The following RAB3GAP1 variants were observed in gnomAD, a reference collection of about 807,000 sequenced individuals.
RAB3GAP1 encodes rab3 GTPase-activating protein catalytic subunit.
Under a neutral mutation model 130.7 loss-of-function variants are expected in RAB3GAP1, and 86 were observed. That is an observed-to-expected ratio of 0.66 (90% CI 0.55 to 0.79). RAB3GAP1 has a LOEUF of 0.79. Ranked by LOEUF, RAB3GAP1 falls within the 30% of genes least tolerant of loss-of-function variation. The pLI, the probability that RAB3GAP1 is intolerant of heterozygous loss-of-function variation, is 0.00. For synonymous variants in RAB3GAP1, 367 were observed against 401.7 expected (o/e 0.91, Z 1.03); for missense variants, 1,029 against 1,169.4 (o/e 0.88, Z 1.75).
intron 5 of RAB3GAP1, among the ~76,000 whole-genome samples, chr2:135,100,233 G>T (rs917434485): frequency 3.3e-5 from 5 of 152,096 alleles, no homozygotes; most frequent in African/African-American, 9.7e-5. Context: ...CATCATTCTT[G>T]TTCTCTTCAG....
chr2:135,167,838 T>G (rs1692702281), intron 23 of RAB3GAP1: 1 of 708,062 alleles, frequency 1.4e-6, no homozygotes, highest in Non-Finnish European at 2.1e-6. Context: ...TGCTGATGTT[T>G]AGCGCAACAT....
chr2:135,120,293 A>G (rs1691157268), intron 7 of RAB3GAP1, among the ~76,000 whole-genome samples: 1 of 152,212 alleles, frequency 6.6e-6, no homozygotes, highest in Non-Finnish European at 1.5e-5. Flanking sequence ...TAGCAGTTTA[A>G]ACAGCTTTAT....
At position 135,133,720 on chromosome 2, in the gene RAB3GAP1, G is replaced by A; in HGVS notation, c.1327-141G>A. The A allele has an allele frequency of 4.4e-6, 3 of 685,122 alleles. No individual in the cohort carries two copies. The South Asian group carries it at 4.9e-5, about 11-fold the overall frequency. 42.4% of individuals were successfully genotyped at this position (685,122 alleles called of 1,614,324 possible). A position where few individuals can be genotyped will look rare whatever the true frequency, so the allele number is the denominator to read the frequency against. On this transcript the variant is annotated intron_variant, in intron 14 of 23. Transcript: ENST00000264158. ...CTTCCTAAGAATAGTTTATGCAGTA[G>A]TGTATTAGACATTTGATAATGCCTA...
intron 3 of RAB3GAP1, among the ~76,000 whole-genome samples, chr2:135,059,407 T>G (rs1689106528): frequency 6.6e-6 from 1 of 152,178 alleles, no homozygotes; most frequent in South Asian, 2.1e-4. Context: ...ATGTGCCTGA[T>G]GTGAAGAAAT....
chr2:135,124,646 C>T (rs1573573283), intron 9 of RAB3GAP1, among the ~76,000 whole-genome samples: 2 of 152,264 alleles, frequency 1.3e-5, no homozygotes, highest in South Asian at 2.1e-4. Flanking sequence ...ACCTGGGCAA[C>T]AGAGCAAGAC....
At chr2:135,122,339 A>G (rs948741967) in intron 8 of RAB3GAP1, among the ~76,000 whole-genome samples, 3 of 152,014 alleles carry the variant, frequency 2.0e-5, no homozygotes, top group Non-Finnish European at 4.4e-5. Flanking sequence ...TTTACAGTCT[A>G]TGTCTGGTTA....
At chr2:135,114,464 A>T (rs1034394303) in intron 6 of RAB3GAP1, among the ~76,000 whole-genome samples, 3 of 152,122 alleles carry the variant, frequency 2.0e-5, no homozygotes, top group Non-Finnish European at 2.9e-5. Context: ...TAACTTGGGG[A>T]TATATTTGTA....
At chr2:135,098,460 T>C (rs1393912980) in intron 5 of RAB3GAP1, among the ~76,000 whole-genome samples, 1 of 152,202 alleles carries the variant, frequency 6.6e-6, no homozygotes, top group Non-Finnish European at 1.5e-5. Flanking sequence ...TTAGGGATTG[T>C]GCTTTTGGTG....
intron 3 of RAB3GAP1, among the ~76,000 whole-genome samples, chr2:135,078,624 T>C (rs1457783139): frequency 7.0e-6 from 1 of 143,428 alleles, no homozygotes; most frequent in Admixed American, 7.1e-5. Context: ...TATTTCCTTC[T>C]TCAATCACTG....
chr2:135,162,660 C>A lies in RAB3GAP1; in HGVS notation c.2386+9C>A. On this transcript the variant is annotated intron_variant, in intron 20 of 23. Transcript: ENST00000264158. ...CAAGGTAAAGGAAGAAGGTAAATGT[C>A]ATATTTAACTAGTCATTAGTCATTT... 1 of 1,609,422 alleles carries A rather than the reference C, an allele frequency of 6.2e-7. No homozygotes were observed. Among genetic ancestry groups the A allele is most frequent in the South Asian group, 1.1e-5 (1 of 90,970 alleles).
chr2:135,124,298 T>G, intron 9 of RAB3GAP1, 52 bp downstream of exon 9: 1 of 1,486,888 alleles, frequency 6.7e-7, no homozygotes. Flanking sequence ...ACTTTGAATT[T>G]ATATTGATAT....
chr2:135,076,030 C>A (rs1437605960), intron 3 of RAB3GAP1, among the ~76,000 whole-genome samples: 1 of 151,698 alleles, frequency 6.6e-6, no homozygotes, highest in Non-Finnish European at 1.5e-5. Flanking sequence ...CCTGCCTCAG[C>A]CTCCTGAGTA....
intron 3 of RAB3GAP1, among the ~76,000 whole-genome samples, chr2:135,073,375 GT>G (rs1425878286): frequency 6.6e-6 from 1 of 152,184 alleles, no homozygotes; most frequent in South Asian, 2.1e-4. Flanking sequence ...CCTTGCCTTT[GT>G]TTTGTTGATG....
In RAB3GAP1 at chr2:135,124,821, T is replaced by C. The variant is rs115994916; in HGVS notation, c.830+575T>C. On this transcript the variant is annotated intron_variant, in intron 9 of 23. Transcript: ENST00000264158. ...TGTATGGCCAGTGAAGTCAGGATGG[T>C]GTTTACATTTTTAAAGGTTATGAAA... Among the ~76,000 whole-genome samples, 1,521 of 152,256 alleles carry C rather than the reference T, an allele frequency of 1.0e-2. 23 individuals carry two copies. The highest frequency in any genetic ancestry group is 0.035 in the African/African-American group (1,448 of 41,530).
chr2:135,129,903 A>T, intron 11 of RAB3GAP1, 92 bp from the exon 12 acceptor site: 2 of 853,392 alleles, frequency 2.3e-6, no homozygotes, highest in Non-Finnish European at 3.8e-6. Context: ...TATCTTAGTT[A>T]ATAGCTTTTG....
Position 135,135,548 on chromosome 2 carries a change from T to C in RAB3GAP1, c.1555-16T>C, listed in dbSNP as rs764050341. 3 of 1,576,850 alleles carry C rather than the reference T, an allele frequency of 1.9e-6. No individual in the cohort carries two copies. The East Asian group carries it at 6.7e-5, about 35-fold the overall frequency. ...GTAACTAATTCAACTATAAATGTTATTTCTCTTTTCTTAAGATGTTAAATT... is the reference window on the plus strand; with the variant it reads ...GTAACTAATTCAACTATAAATGTTACTTCTCTTTTCTTAAGATGTTAAATT... On this transcript the variant is annotated splice_polypyrimidine_tract_variant and intron_variant, in intron 16 of 23. Coordinates refer to ENST00000264158, the MANE Select transcript of RAB3GAP1 (RefSeq NM_012233.3).
chr2:135,144,718 T>A (rs1691947394), intron 17 of RAB3GAP1, among the ~76,000 whole-genome samples: 1 of 152,274 alleles, frequency 6.6e-6, no homozygotes, highest in African/African-American at 2.4e-5. Flanking sequence ...TGACAACTTT[T>A]GTTTATTCCA....
Position 135,130,777 on chromosome 2 carries a change from T to G in RAB3GAP1, c.1236+56T>G, listed in dbSNP as rs1250080351. 8.0e-6 allele frequency: 12 copies of G among 1,503,942 alleles called. No homozygotes were observed. In the East Asian group the frequency reaches 2.7e-4, roughly 34 times the overall value. 93.2% of individuals were successfully genotyped at this position (1,503,942 alleles called of 1,614,324 possible). ...TATGCAGAATCATTTATTCATTATATAGCCAGTTCCTTTTATGTGGTAGGC... is the reference window on the plus strand; with the variant it reads ...TATGCAGAATCATTTATTCATTATAGAGCCAGTTCCTTTTATGTGGTAGGC... On this transcript the variant is annotated intron_variant, in intron 13 of 23. Coordinates refer to ENST00000264158, the MANE Select transcript of RAB3GAP1 (RefSeq NM_012233.3).
chr2:135,088,716 A>G lies in RAB3GAP1; in HGVS notation c.151-2282A>G, dbSNP rs1461175773. ...AAAAAAAAAAAAAAAAAAGAAAGAA[A>G]AGAAAAAAAATTAAAATTCTTTGCC... On this transcript the variant is annotated intron_variant, in intron 3 of 23. Coordinates refer to ENST00000264158, the MANE Select transcript of RAB3GAP1 (RefSeq NM_012233.3). 4.0e-5 allele frequency among the ~76,000 whole-genome samples: 6 copies of G among 151,728 alleles called. No individual in the cohort carries two copies. In the East Asian group the frequency reaches 9.7e-4, roughly 24 times the overall value.
Sources: gnomAD v4.1 joint callset for allele counts (sites outside exome capture counted in the v4.1 genomes callset) on GRCh38, gnomAD v4.1.1 for gene constraint, MANE v1.5 for transcripts, NCBI Gene and HGNC (gene_info 2026-07-23, HGNC 2026-07-21) for gene names.